Variants in ARHGAP10 observed in about 807,000 individuals in gnomAD.
The protein encoded by ARHGAP10 is Rho GTPase activating protein 10, also known as rho GTPase-activating protein 10.
A neutral mutation model predicts 108.6 loss-of-function variants in ARHGAP10; 87 were observed. The observed-to-expected ratio is 0.80, with a 90% CI of 0.67 to 0.96. The LOEUF (loss-of-function observed/expected upper bound fraction) is 0.96. Among genes scored for constraint, ARHGAP10 ranks in the 40% least tolerant of loss-of-function variants. ARHGAP10 has a pLI of 0.00. For synonymous variants in ARHGAP10, 347 were observed against 341.1 expected (o/e 1.02, Z -0.19); for missense variants, 939 against 954.5 (o/e 0.98, Z 0.21).
At chr4:147,801,585 A>G (rs1288222260) in intron 1 of ARHGAP10, among the ~76,000 whole-genome samples, 1 of 152,234 alleles carries the variant, frequency 6.6e-6, no homozygotes, top group Non-Finnish European at 1.5e-5. Context: ...TTTTTACTAT[A>G]AAACATTTGA....
chr4:147,764,915 G>A (rs1207244652), intron 1 of ARHGAP10, among the ~76,000 whole-genome samples: 3 of 152,220 alleles, frequency 2.0e-5, no homozygotes, highest in Non-Finnish European at 4.4e-5. Flanking sequence ...CATGCTGAGA[G>A]TGTTTTTAAA....
chr4:147,826,960 C>T (rs1332147519), intron 3 of ARHGAP10, among the ~76,000 whole-genome samples: 1 of 152,138 alleles, frequency 6.6e-6, no homozygotes, highest in Non-Finnish European at 1.5e-5. Context: ...GATACATTTC[C>T]AAGTCACTTT....
At chr4:147,736,931 C>T (rs1728442461) in intron 1 of ARHGAP10, among the ~76,000 whole-genome samples, 1 of 152,080 alleles carries the variant, frequency 6.6e-6, no homozygotes, top group Non-Finnish European at 1.5e-5. Context: ...TGGTTTTCTA[C>T]TTTTCTGTAT....
chr4:148,017,337 C>A (rs1279750733), intron 18 of ARHGAP10, among the ~76,000 whole-genome samples: 1 of 152,044 alleles, frequency 6.6e-6, no homozygotes, highest in East Asian at 1.9e-4. Context: ...AAAATAAAAT[C>A]TCTGATTAAA....
rs530062885 is a variant in ARHGAP10 at position 148,067,812 on chromosome 4, T to C, written c.2272+3305T>C. ...TGAGATATCCTGACCCAGAGTGTGGTTGGCACAGGGGTCTTTAGCAATTGT... is the reference window on the plus strand; with the variant it reads ...TGAGATATCCTGACCCAGAGTGTGGCTGGCACAGGGGTCTTTAGCAATTGT... On this transcript the variant is annotated intron_variant, in intron 22 of 22. Transcript: ENST00000336498. Among the ~76,000 whole-genome samples the C allele has an allele frequency of 7.9e-5, 12 of 152,302 alleles. No homozygotes were observed. The South Asian group carries it at 2.5e-3, about 32-fold the overall frequency.
intron 3 of ARHGAP10, among the ~76,000 whole-genome samples, chr4:147,836,233 T>C (rs1322864714): frequency 6.6e-6 from 1 of 151,870 alleles, no homozygotes; most frequent in African/African-American, 2.4e-5. Flanking sequence ...ACATTGACCT[T>C]TTTTTTTATT....
intron 3 of ARHGAP10, among the ~76,000 whole-genome samples, chr4:147,826,893 C>T (rs188374268): frequency 3.3e-5 from 5 of 152,292 alleles, no homozygotes; most frequent in Non-Finnish European, 5.9e-5. Context: ...CCCCAAGCCC[C>T]GCCCTCAATA....
In ARHGAP10 at chr4:147,965,300, T is replaced by G. The variant is rs188030878; in HGVS notation, c.1556+171T>G. Among the ~76,000 whole-genome samples, 532 of 152,338 alleles carry G rather than the reference T, an allele frequency of 3.5e-3. 2 individuals carry two copies. Among genetic ancestry groups the G allele is most frequent in the African/African-American group, 0.012 (511 of 41,580 alleles). On this transcript the variant is annotated intron_variant, in intron 17 of 22. Coordinates refer to ENST00000336498, the MANE Select transcript of ARHGAP10 (RefSeq NM_024605.4). ...CTGTTGAAATATGCTTTCATGAAGCTGTATAATTATTTGCTTAACATCTCT... is the reference window on the plus strand; with the variant it reads ...CTGTTGAAATATGCTTTCATGAAGCGGTATAATTATTTGCTTAACATCTCT...
chr4:147,760,133 C>T (rs143385871), intron 1 of ARHGAP10, among the ~76,000 whole-genome samples: 135 of 152,308 alleles, frequency 8.9e-4, no homozygotes, highest in African/African-American at 3.1e-3. Context: ...GGTCTTGCAT[C>T]TGTAACCTTG....
chr4:147,923,498 A>T (rs1269368265), intron 13 of ARHGAP10, among the ~76,000 whole-genome samples: 1 of 152,254 alleles, frequency 6.6e-6, no homozygotes, highest in African/African-American at 2.4e-5. Context: ...AGTTTCTCTT[A>T]AAAAATCTTC....
intron 18 of ARHGAP10, among the ~76,000 whole-genome samples, chr4:147,992,608 G>A (rs1288807780): frequency 2.0e-5 from 3 of 152,080 alleles, no homozygotes; most frequent in Non-Finnish European, 4.4e-5. Context: ...GTTTCACCAT[G>A]TTGGCCAGGC....
chr4:148,047,364 A>G (rs1253617982), intron 20 of ARHGAP10, among the ~76,000 whole-genome samples: 1 of 152,226 alleles, frequency 6.6e-6, no homozygotes, highest in African/African-American at 2.4e-5. Context: ...CCCACTAGTT[A>G]TGCAAACTTT....
intron 8 of ARHGAP10, among the ~76,000 whole-genome samples, chr4:147,877,645 T>A (rs866182314): frequency 1.3e-5 from 2 of 152,270 alleles, no homozygotes; most frequent in South Asian, 4.2e-4. Flanking sequence ...GGTTGGACTT[T>A]TATTGGCATG....
At chr4:147,976,927 A>G (rs1011397346) in intron 18 of ARHGAP10, among the ~76,000 whole-genome samples, 2 of 152,230 alleles carry the variant, frequency 1.3e-5, no homozygotes, top group Admixed American at 1.3e-4. Context: ...AGTACAAGTG[A>G]GCAGTACTTG....
At chr4:148,017,888 G>T (rs1013446410) in intron 18 of ARHGAP10, among the ~76,000 whole-genome samples, 1 of 151,986 alleles carries the variant, frequency 6.6e-6, no homozygotes, top group Non-Finnish European at 1.5e-5. Context: ...TTCCACATGT[G>T]GTCCCTGGTA....
At position 147,732,328 on chromosome 4, in the gene ARHGAP10, C is replaced by G; in HGVS notation, c.27C>G (p.Ser9Arg). The change falls in exon 1 of 23, where the codon AGC (serine) becomes AGG (arginine). Residue 9 changes from serine to arginine, a missense_variant. Coordinates refer to ENST00000336498, the MANE Select transcript of ARHGAP10 (RefSeq NM_024605.4). Reference protein sequence around the residue: MGLQPLEFSDCYLDSPWFR... With the variant: MGLQPLEFRDCYLDSPWFR... ...TGGGGCTGCAGCCCCTGGAGTTCAG[C>G]GACTGCTACCTCGACAGCCCGTGGT... 6.2e-7 allele frequency: 1 copy of G among 1,612,856 alleles called. No homozygotes were observed. Among genetic ancestry groups the G allele is most frequent in the Non-Finnish European group, 8.5e-7 (1 of 1,179,438 alleles).
intron 16 of ARHGAP10, among the ~76,000 whole-genome samples, chr4:147,957,934 T>C (rs770174562): frequency 3.3e-5 from 5 of 152,236 alleles, no homozygotes; most frequent in Non-Finnish European, 5.9e-5. Context: ...CATTTTTTTC[T>C]TTGAGAAAAT....
intron 14 of ARHGAP10, 97 bp from the exon 15 acceptor site, chr4:147,946,520 G>A (rs1738385765): frequency 2.2e-6 from 2 of 896,374 alleles, no homozygotes; most frequent in Non-Finnish European, 1.7e-6. Context: ...CAGGATTGTG[G>A]TTTGCCCATT....
At chr4:147,887,346 C>T (rs1735612964) in intron 10 of ARHGAP10, among the ~76,000 whole-genome samples, 1 of 152,016 alleles carries the variant, frequency 6.6e-6, no homozygotes, top group Non-Finnish European at 1.5e-5. Flanking sequence ...CTCTCCACTG[C>T]TCCAGGATAT....
Sources: allele counts gnomAD v4.1 joint callset (sites outside exome capture counted in the v4.1 genomes callset), GRCh38; gene constraint gnomAD v4.1.1; transcripts MANE v1.5; gene names NCBI Gene and HGNC (gene_info 2026-07-23, HGNC 2026-07-21).